The following SLC7A6 variants were observed in gnomAD, a reference collection of about 807,000 sequenced individuals.
The protein encoded by SLC7A6 is solute carrier family 7 member 6.
A neutral mutation model predicts 46.6 loss-of-function variants in SLC7A6; 29 were observed. That is an observed-to-expected ratio of 0.62 (90% confidence interval 0.46 to 0.85). The LOEUF (loss-of-function observed/expected upper bound fraction) is 0.85. SLC7A6 is among the 40% of genes least tolerant of loss of function. The pLI is 0.00. For missense variants in SLC7A6, 527 were observed against 647.6 expected (o/e 0.81, Z 2.02); for synonymous variants, 276 against 257.3 (o/e 1.07, Z -0.70).
chr16:68,286,633 C>T (rs2042940628), intron 3 of SLC7A6, among the ~76,000 whole-genome samples: 1 of 152,194 alleles, frequency 6.6e-6, no homozygotes, highest in South Asian at 2.1e-4. Flanking sequence ...GCTCTTATGT[C>T]GTCCCCATGG....
At chr16:68,285,511 C>T (rs946056144) in intron 3 of SLC7A6, among the ~76,000 whole-genome samples, 15 of 152,160 alleles carry the variant, frequency 9.9e-5, no homozygotes, top group Admixed American at 7.9e-4. Flanking sequence ...CTTCTCCCCT[C>T]CCATTTGACC....
At chr16:68,289,806 C>T (rs2043011127) in intron 4 of SLC7A6, among the ~76,000 whole-genome samples, 1 of 152,172 alleles carries the variant, frequency 6.6e-6, no homozygotes, top group African/African-American at 2.4e-5. Flanking sequence ...TCCTCTATAG[C>T]ATGTCATCTC....
At chr16:68,276,470 C>T (rs1186047035) in intron 3 of SLC7A6, among the ~76,000 whole-genome samples, 1 of 152,074 alleles carries the variant, frequency 6.6e-6, no homozygotes. Context: ...CCTGAGAGTA[C>T]CTTGGAGTTA....
At chr16:68,268,993 G>A (rs761264361) in intron 2 of SLC7A6, among the ~76,000 whole-genome samples, 67 of 151,620 alleles carry the variant, frequency 4.4e-4, no homozygotes, top group South Asian at 6.2e-4. Flanking sequence ...GGCAACGAGC[G>A]AAACTCCGTC....
Position 68,300,686 on chromosome 16 carries a change from C to T in SLC7A6, c.*3358C>T, listed in dbSNP as rs1255979069. On this transcript the variant is annotated 3_prime_UTR_variant, in exon 11 of 11. Coordinates refer to ENST00000219343, the MANE Select transcript of SLC7A6 (RefSeq NM_003983.6). The stretch of plus-strand genomic sequence containing the variant: ...TATATATTGTTTCTTGGCCCCACTG[C>T]CAAAGGAAGTCAGTCAGTAATTTCA... The T allele has an allele frequency of 1.0e-6, 1 of 985,420 alleles. No homozygotes were observed. Among genetic ancestry groups the T allele is most frequent in the South Asian group, 4.7e-5 (1 of 21,284 alleles). The allele number at this position is 985,420 out of a possible 1,614,324, so 61.0% of individuals were successfully genotyped here. A position where few individuals can be genotyped will look rare whatever the true frequency, so the allele number is the denominator to read the frequency against.
At chr16:68,265,166 C>A (rs1023590002) in intron 1 of SLC7A6, among the ~76,000 whole-genome samples, 5 of 152,172 alleles carry the variant, frequency 3.3e-5, no homozygotes, top group Admixed American at 2.6e-4. Context: ...TTAGAGAATG[C>A]CGCAAGGTTT....
chr16:68,293,125 C>CG (rs2043091198), intron 7 of SLC7A6, among the ~76,000 whole-genome samples: 1 of 152,150 alleles, frequency 6.6e-6, no homozygotes, highest in Non-Finnish European at 1.5e-5. Context: ...TGTAAAAGAA[C>CG]ATAGTGTCCA....
Position 68,298,071 on chromosome 16 carries a change from A to C in SLC7A6, c.*743A>C, listed in dbSNP as rs1266724939. ...ATTTTTTTACTCACGTACCTGTTAC[A>C]CTTTAGCATACAGATAGATCATAGA... On this transcript the variant is annotated 3_prime_UTR_variant, in exon 11 of 11. Transcript: ENST00000219343. 4 of 152,666 alleles carry C rather than the reference A, an allele frequency of 2.6e-5. No individual in the cohort carries two copies. Among genetic ancestry groups the C allele is most frequent in the Non-Finnish European group, 5.9e-5 (4 of 68,050 alleles). The allele number at this position is 152,666 out of a possible 1,614,324, so 9.5% of individuals were successfully genotyped here.
In SLC7A6 at chr16:68,287,854, T is replaced by C. The variant is rs780126017; in HGVS notation, c.632T>C (p.Leu211Pro). The C allele has an allele frequency of 2.3e-5, 37 of 1,613,996 alleles. No homozygotes were observed. Among genetic ancestry groups the C allele is most frequent in the Non-Finnish European group, 3.1e-5 (36 of 1,179,980 alleles). The change falls in exon 4 of 11, where the codon CTT becomes CCT. Residue 211 changes from leucine to proline, a missense_variant. By Grantham distance (98) the Leu-to-Pro change is moderately conservative. Coordinates refer to ENST00000219343, the MANE Select transcript of SLC7A6 (RefSeq NM_003983.6). ...VALIAIIVMG[L>P]VKLCQGHSEH... ...CTCATTGCCATCATTGTCATGGGCC[T>C]TGTTAAACTGTGCCAGGGTAAGTGG...
At position 68,297,462 on chromosome 16, in the gene SLC7A6, T is replaced by C; in HGVS notation, c.*134T>C. ...ATCATATAGTGGGGCTCAGGGCCAG[T>C]GCTCACTCTTATTGGTAAGCTATAG... On this transcript the variant is annotated 3_prime_UTR_variant, in exon 11 of 11. Coordinates refer to ENST00000219343, the MANE Select transcript of SLC7A6 (RefSeq NM_003983.6). The C allele has an allele frequency of 3.2e-6, 2 of 622,372 alleles. No individual in the cohort carries two copies. Among genetic ancestry groups the C allele is most frequent in the South Asian group, 3.9e-5 (2 of 51,750 alleles). The allele number at this position is 622,372 out of a possible 1,614,324, so 38.6% of individuals were successfully genotyped here. A position where few individuals can be genotyped will look rare whatever the true frequency, so the allele number is the denominator to read the frequency against.
Position 68,290,393 on chromosome 16 carries a change from C to T in SLC7A6, c.650-3C>T, listed in dbSNP as rs2043024132. On this transcript the variant is annotated splice_region_variant and splice_polypyrimidine_tract_variant and intron_variant, in intron 4 of 10. Coordinates refer to ENST00000219343, the MANE Select transcript of SLC7A6 (RefSeq NM_003983.6). ...AACCCCTCACCTGCCTTTGCCCCCA[C>T]AGGACACTCTGAGCACTTTCAGGAC... The T allele has an allele frequency of 6.2e-7, 1 of 1,613,992 alleles. No homozygotes were observed. The highest frequency in any genetic ancestry group is 8.5e-7 in the Non-Finnish European group (1 of 1,180,010).
intron 7 of SLC7A6, among the ~76,000 whole-genome samples, chr16:68,293,633 C>T (rs564587344): frequency 6.6e-6 from 1 of 152,298 alleles, no homozygotes; most frequent in Non-Finnish European, 1.5e-5. Flanking sequence ...CAGGTTCTTC[C>T]CAGCACCCTC....
Position 68,298,947 on chromosome 16 carries a change from A to T in SLC7A6, c.*1619A>T, listed in dbSNP as rs530677173. On this transcript the variant is annotated 3_prime_UTR_variant, in exon 11 of 11. Coordinates refer to ENST00000219343, the MANE Select transcript of SLC7A6 (RefSeq NM_003983.6). ...TCTCCCTTCCTGACCATTCTTCTCC[A>T]CCCAGTCACAGATAAGGGAATAACC... 10 of 152,760 alleles carry T rather than the reference A, an allele frequency of 6.5e-5. No homozygotes were observed. The highest frequency in any genetic ancestry group is 5.2e-4 in the Admixed American group (8 of 15,292). The allele number at this position is 152,760 out of a possible 1,614,324, so 9.5% of individuals were successfully genotyped here.
At chr16:68,269,999 G>A (rs926528097) in intron 2 of SLC7A6, among the ~76,000 whole-genome samples, 4 of 152,028 alleles carry the variant, frequency 2.6e-5, no homozygotes, top group African/African-American at 9.7e-5. Flanking sequence ...CGAACTCTTG[G>A]CCTCAAGTTC....
intron 8 of SLC7A6, 101 bp from the exon 9 acceptor site, chr16:68,296,260 CTGG>C: frequency 7.8e-7 from 1 of 1,287,860 alleles, no homozygotes; most frequent in Non-Finnish European, 1.1e-6. Context: ...CAGAGGTAAT[CTGG>C]TGAAGTGGCA....
intron 3 of SLC7A6, among the ~76,000 whole-genome samples, chr16:68,285,677 G>A (rs1365868932): frequency 1.3e-5 from 2 of 152,178 alleles, no homozygotes; most frequent in African/African-American, 4.8e-5. Context: ...CATTTGAATG[G>A]AAGAATATCC....
rs113477098 is a variant in SLC7A6, at chr16:68,301,112, A to G, written c.*3784A>G. 3.4e-5 allele frequency: 46 copies of G among 1,358,166 alleles called. No homozygotes were observed. Among genetic ancestry groups the G allele is most frequent in the Non-Finnish European group, 3.3e-5 (35 of 1,052,054 alleles). The allele number at this position is 1,358,166 out of a possible 1,614,324, so 84.1% of individuals were successfully genotyped here. ...AGTGGAAAAGACTCACTCCCCTAAC[A>G]TAAGTTTTCACTGTGGTGGGATGGT... On this transcript the variant is annotated 3_prime_UTR_variant, in exon 11 of 11. Coordinates refer to ENST00000219343, the MANE Select transcript of SLC7A6 (RefSeq NM_003983.6).
At chr16:68,278,527 C>T (rs2042761310) in intron 3 of SLC7A6, among the ~76,000 whole-genome samples, 1 of 150,920 alleles carries the variant, frequency 6.6e-6, no homozygotes, top group Non-Finnish European at 1.5e-5. Flanking sequence ...AACGAGCATG[C>T]TGCCTTCAAG....
intron 3 of SLC7A6, among the ~76,000 whole-genome samples, chr16:68,284,891 C>T: frequency 2.1e-5 from 2 of 93,186 alleles, no homozygotes; most frequent in African/African-American, 4.3e-5. Flanking sequence ...GACAAGTTCT[C>T]ACTCTGTTGC....
Sources: allele counts gnomAD v4.1 joint callset (sites outside exome capture counted in the v4.1 genomes callset), GRCh38; gene constraint gnomAD v4.1.1; transcripts MANE v1.5; gene names NCBI Gene and HGNC (gene_info 2026-07-23, HGNC 2026-07-21).